Variants in NOB1 observed in about 807,000 individuals in gnomAD.
The protein encoded by NOB1 is NIN1 (RPN12) binding protein 1 homolog.
Under a neutral mutation model 44.8 loss-of-function variants are expected in NOB1, and 44 were observed. That is an observed-to-expected ratio of 0.98 (90% CI 0.77 to 1.26). The LOEUF (loss-of-function observed/expected upper bound fraction) is 1.26. NOB1 is among the 50% of genes most tolerant of loss of function. The pLI is 0.00. For missense variants in NOB1, 560 were observed against 544.8 expected (o/e 1.03, Z -0.28); for synonymous variants, 238 against 218.7 (o/e 1.09, Z -0.78).
In NOB1 at chr16:69,749,145, T is replaced by G. The variant is rs1267398003; in HGVS notation, c.526-27A>C. Reference sequence around the variant, plus strand: ...TGAAACATCAACAGACCTTTCAAACTCCCAACCCACAGGAGCAGTGGAGGA... The same window carrying G: ...TGAAACATCAACAGACCTTTCAAACGCCCAACCCACAGGAGCAGTGGAGGA... On this transcript the variant is annotated intron_variant, in intron 5 of 8. Coordinates refer to ENST00000268802, the MANE Select transcript of NOB1 (RefSeq NM_014062.3). 1.9e-6 allele frequency: 3 copies of G among 1,613,872 alleles called. No individual in the cohort carries two copies. In the African/African-American group the frequency reaches 4.0e-5, roughly 22 times the overall value.
At chr16:69,753,816 A>AT (rs373666738) in intron 2 of NOB1, among the ~76,000 whole-genome samples, 4 of 151,604 alleles carry the variant, frequency 2.6e-5, no homozygotes, top group African/African-American at 9.7e-5. Context: ...TTTATTTCTT[A>AT]TTTTTTTTGA....
rs765288090 is a variant in NOB1, at chr16:69,744,906, G to A, written c.936C>T (p.Arg312=). 1.9e-6 allele frequency: 3 copies of A among 1,614,000 alleles called. No individual in the cohort carries two copies. Among genetic ancestry groups the A allele is most frequent in the Non-Finnish European group, 2.5e-6 (3 of 1,180,018 alleles). Residue 312 remains arginine (R), a synonymous_variant, in exon 8 of 9, where the codon CGC becomes CGT. Coordinates refer to ENST00000268802, the MANE Select transcript of NOB1 (RefSeq NM_014062.3). ...CGCGGGGGTTCAGCACCTTGGGGTT[G>A]CGGGAGAAGTGCATGTGCAGGGTGC... ...DDGTLHMHFS[R]NPKVLNPRGL... is the part of the protein sequence containing the mutation.
In NOB1 at chr16:69,754,629, C is replaced by T. The variant is rs1470980097; in HGVS notation, c.161G>A (p.Arg54Gln). 4 of 1,614,078 alleles carry T rather than the reference C, an allele frequency of 2.5e-6. No individual in the cohort carries two copies. In the African/African-American group the frequency reaches 4.0e-5, roughly 16 times the overall value. ...GTATTCCGGTAAGGGCTCCTTGAAC[C>T]GCAGCTCGTAGGGCAGGACAGCGAG... ...RRLAVLPYEL[R>Q]FKEPLPEYVR... The change falls in exon 2 of 9, where the codon CGG becomes CAG. Residue 54 changes from arginine (R) to glutamine (Q), a missense_variant. Coordinates refer to ENST00000268802, the MANE Select transcript of NOB1 (RefSeq NM_014062.3).
chr16:69,751,289 T>C (rs7204339), intron 3 of NOB1, among the ~76,000 whole-genome samples: 5,464 of 152,256 alleles, frequency 0.036, 351 homozygotes, highest in African/African-American at 0.12. Flanking sequence ...ATTATAGGCA[T>C]AAGCCACGGC....
In NOB1 at chr16:69,744,858, A is replaced by G. The variant is rs746682366; in HGVS notation, c.969+15T>C. 4 of 1,610,622 alleles carry G rather than the reference A, an allele frequency of 2.5e-6. No homozygotes were observed. The Admixed American group carries it at 6.7e-5, about 27-fold the overall frequency. On this transcript the variant is annotated intron_variant, in intron 8 of 8. Coordinates refer to ENST00000268802, the MANE Select transcript of NOB1 (RefSeq NM_014062.3). Reference sequence around the variant, plus strand: ...ACTCTGGTGTTGGGAGGGGACTGGGAGAGGCGCCACTCACCCGGAGGCCGC... The same window carrying G: ...ACTCTGGTGTTGGGAGGGGACTGGGGGAGGCGCCACTCACCCGGAGGCCGC...
At chr16:69,747,657 C>T (rs987606314) in intron 7 of NOB1, among the ~76,000 whole-genome samples, 5 of 152,082 alleles carry the variant, frequency 3.3e-5, no homozygotes, top group Admixed American at 1.3e-4. Context: ...ACAAACATTT[C>T]GGTATGTACC....
In NOB1 at chr16:69,754,725, T is replaced by C; in HGVS notation, c.65A>G (p.Asp22Gly). The C allele has an allele frequency of 6.2e-7, 1 of 1,614,110 alleles. No homozygotes were observed. The highest frequency in any genetic ancestry group is 8.5e-7 in the Non-Finnish European group (1 of 1,180,032). The change falls in exon 2 of 9, where the codon GAC becomes GGC. Residue 22 changes from aspartate (D) to glycine (G), a missense_variant and splice_region_variant. Asp to Gly is a moderately conservative substitution (Grantham distance 94). Coordinates refer to ENST00000268802, the MANE Select transcript of NOB1 (RefSeq NM_014062.3). ...GAFLRHAALQ[D>G]IGKNIYTIRE... ...GATGGTGTAAATGTTCTTCCCGATG[T>C]CCTGCGGACAGAACGCCCCAGCTCA...
chr16:69,744,048 G>A (rs1424569411), intron 8 of NOB1, among the ~76,000 whole-genome samples: 1 of 152,196 alleles, frequency 6.6e-6, no homozygotes, highest in East Asian at 1.9e-4. Flanking sequence ...TTATTAGCCG[G>A]GTGCAGTGGC....
Position 69,744,886 on chromosome 16 carries a change from G to A in NOB1, c.956C>T (p.Pro319Leu). The A allele has an allele frequency of 1.2e-6, 2 of 1,613,470 alleles. No homozygotes were observed. Among genetic ancestry groups the A allele is most frequent in the Admixed American group, 1.7e-5 (1 of 59,980 alleles). The change falls in exon 8 of 9, where the codon CCC (proline) becomes CTC (leucine). Residue 319 changes from proline (P) to leucine (L), a missense_variant. By Grantham distance (98) the Pro-to-Leu change is moderately conservative (BLOSUM62 -3). Coordinates refer to ENST00000268802, the MANE Select transcript of NOB1 (RefSeq NM_014062.3). ...HFSRNPKVLN[P>L]RGLRYSLPTP... ...GGCGCCACTCACCCGGAGGCCGCGGGGGTTCAGCACCTTGGGGTTGCGGGA... is the reference window on the plus strand; with the variant it reads ...GGCGCCACTCACCCGGAGGCCGCGGAGGTTCAGCACCTTGGGGTTGCGGGA...
rs1260143759 is a variant in NOB1, at chr16:69,749,224, G to A, written c.514C>T (p.Gln172Ter). Reference protein sequence around the residue: ...NPLPNIDHELQELLIDRGEDV... With the variant: ...NPLPNIDHEL ...AGTCAAGGCCTCACCAGCAGCTCCT[G>A]CAGTTCATGATCGATGTTGGGCAAA... Residue 172 changes from glutamine to a stop codon, truncating the protein, a stop_gained, in exon 5 of 9, where the codon CAG (glutamine) becomes TAG (stop). Transcript: ENST00000268802. LOFTEE classifies it high-confidence loss of function. 6 of 1,612,956 alleles carry A rather than the reference G, an allele frequency of 3.7e-6. No individual in the cohort carries two copies. The African/African-American group carries it at 6.7e-5, about 18-fold the overall frequency.
chr16:69,744,875 G>T lies in NOB1; in HGVS notation c.967C>A (p.Arg323=). Residue 323 remains arginine, a splice_region_variant and synonymous_variant, in exon 8 of 9, where the codon CGG becomes AGG. Transcript: ENST00000268802. ...NPKVLNPRGL[R]YSLPTPKGGK... is the part of the protein sequence containing the mutation. ...GGACTGGGAGAGGCGCCACTCACCCGGAGGCCGCGGGGGTTCAGCACCTTG... is the reference window on the plus strand; with the variant it reads ...GGACTGGGAGAGGCGCCACTCACCCTGAGGCCGCGGGGGTTCAGCACCTTG... The T allele has an allele frequency of 8.7e-6, 14 of 1,612,584 alleles. No individual in the cohort carries two copies. The highest frequency in any genetic ancestry group is 1.1e-5 in the Non-Finnish European group (13 of 1,179,846).
intron 3 of NOB1, among the ~76,000 whole-genome samples, chr16:69,751,688 G>GTT (rs1189163429): frequency 6.6e-6 from 1 of 152,238 alleles, no homozygotes; most frequent in South Asian, 2.1e-4. Context: ...TGGCTTTAAA[G>GTT]TTTTTAAGAG....
At chr16:69,750,538 G>A (rs1364386505) in intron 3 of NOB1, among the ~76,000 whole-genome samples, 1 of 152,134 alleles carries the variant, frequency 6.6e-6, no homozygotes, top group Non-Finnish European at 1.5e-5. Context: ...GAGGTAGGAG[G>A]ACTGCTTGTG....
chr16:69,752,124 G>A, intron 3 of NOB1, 117 bp downstream of exon 3: 1 of 912,188 alleles, frequency 1.1e-6, no homozygotes, highest in Non-Finnish European at 1.7e-6. Flanking sequence ...CTAGCTAAGA[G>A]ATAATTGGAG....
intron 7 of NOB1, 25 bp from the exon 8 acceptor site, chr16:69,745,042 C>G (rs772661245): frequency 6.2e-7 from 1 of 1,613,468 alleles, no homozygotes; most frequent in Non-Finnish European, 8.5e-7. Context: ...AGGAGATGAT[C>G]TGTACCAAAG....
At chr16:69,746,170 G>T (rs2038429341) in intron 7 of NOB1, among the ~76,000 whole-genome samples, 1 of 152,248 alleles carries the variant, frequency 6.6e-6, no homozygotes, top group Admixed American at 6.5e-5. Flanking sequence ...AGGGAATGAG[G>T]CTTCACACAG....
At chr16:69,752,432 C>A in intron 2 of NOB1, 61 bp from the exon 3 acceptor site, 1 of 1,553,836 alleles carries the variant, frequency 6.4e-7, no homozygotes, top group Non-Finnish European at 8.8e-7. Context: ...CTTGGATAAC[C>A]AATGGAAGTA....
intron 7 of NOB1, among the ~76,000 whole-genome samples, chr16:69,746,393 C>T (rs546094951): frequency 7.2e-5 from 11 of 152,380 alleles, no homozygotes; most frequent in African/African-American, 2.4e-4. Flanking sequence ...GGCTCTTCCA[C>T]GCCTACCAGG....
In NOB1 at chr16:69,749,565, G is replaced by A. The variant is rs749961287; in HGVS notation, c.393C>T (p.Pro131=). The A allele has an allele frequency of 1.9e-6, 3 of 1,613,102 alleles. No individual in the cohort carries two copies. Among genetic ancestry groups the A allele is most frequent in the Admixed American group, 3.3e-5 (2 of 59,756 alleles). The part of the protein sequence containing the change: ...TPLHISGFHL[P]YKPKPPQETE... ...GGCTTGTCTAAGAAATTACCTTGTA[G>A]GGCAGATGGAAACCAGAAATGTGCA... Residue 131 remains proline, a synonymous_variant, in exon 4 of 9, where the codon CCC becomes CCT. Coordinates refer to ENST00000268802, the MANE Select transcript of NOB1 (RefSeq NM_014062.3).
Sources: gnomAD v4.1 joint callset for allele counts (sites outside exome capture counted in the v4.1 genomes callset) on GRCh38, gnomAD v4.1.1 for gene constraint, MANE v1.5 for transcripts, NCBI Gene and HGNC (gene_info 2026-07-23, HGNC 2026-07-21) for gene names.